RAB5B: variants seen among roughly 807,000 people sequenced by gnomAD.
The protein encoded by RAB5B is ras-related protein Rab-5B.
RAB5B carries 11 observed loss-of-function variants against 28.6 expected under a neutral mutation model. The observed-to-expected ratio is 0.38, with a 90% CI of 0.24 to 0.64. The LOEUF is 0.64. Ranked by LOEUF, RAB5B falls within the 30% of genes least tolerant of loss-of-function variation. The probability of loss-of-function intolerance (pLI) is 0.53; values close to 1 mark genes in which losing one functional copy is unlikely to be tolerated. For missense variants in RAB5B, 169 were observed against 265.6 expected (o/e 0.64, Z 2.53); for synonymous variants, 93 against 97.9 (o/e 0.95, Z 0.29).
rs201304194 is a variant in RAB5B, at chr12:55,990,705, A to G, written c.339A>G (p.Thr113=). The stretch of plus-strand genomic sequence containing the variant: ...AGGAAACCTTTGCCCGAGCAAAGAC[A>G]TGGGTGAAGGAACTACAGCGACAGG... ...TNQETFARAK[T]WVKELQRQAS... Residue 113 remains threonine (T), a synonymous_variant, in exon 4 of 6, where the codon ACA becomes ACG. Transcript: ENST00000360299. 7.4e-6 allele frequency: 12 copies of G among 1,613,914 alleles called. No individual in the cohort carries two copies. In the East Asian group the frequency reaches 2.2e-4, roughly 30 times the overall value.
chr12:55,987,104 C>T lies in RAB5B; in HGVS notation c.144C>T (p.Tyr48=), dbSNP rs1889973659. ...TTGTCAAAGGGCAGTTCCATGAGTA[C>T]CAGGAGAGCACCATTGGAGGTGAGT... is the stretch of plus-strand genomic sequence containing the variant. ...LRFVKGQFHE[Y]QESTIGAAFL... Residue 48 remains tyrosine (Y), a synonymous_variant, in exon 2 of 6, where the codon TAC becomes TAT. Coordinates refer to ENST00000360299, the MANE Select transcript of RAB5B (RefSeq NM_002868.4). The T allele has an allele frequency of 2.5e-6, 4 of 1,613,586 alleles. No individual in the cohort carries two copies. In the East Asian group the frequency reaches 8.9e-5, roughly 36 times the overall value.
intron 1 of RAB5B, among the ~76,000 whole-genome samples, chr12:55,984,761 C>T (rs180897786): frequency 6.6e-6 from 1 of 152,338 alleles, no homozygotes; most frequent in African/African-American, 2.4e-5. Context: ...TAGGTATGAG[C>T]TACTGCACCC....
At position 55,990,664 on chromosome 12, in the gene RAB5B, C is replaced by T; in HGVS notation, c.316-18C>T. The stretch of plus-strand genomic sequence containing the variant: ...TGGCAGTCATTCCAGCCTACTCATT[C>T]TCTTCATGTTTTCCTAGGAAACCTT... On this transcript the variant is annotated intron_variant, in intron 3 of 5. Coordinates refer to ENST00000360299, the MANE Select transcript of RAB5B (RefSeq NM_002868.4). The T allele has an allele frequency of 6.2e-7, 1 of 1,612,722 alleles. No homozygotes were observed. The highest frequency in any genetic ancestry group is 8.5e-7 in the Non-Finnish European group (1 of 1,179,228).
At chr12:55,986,442 C>CA (rs200694101) in intron 1 of RAB5B, among the ~76,000 whole-genome samples, 13 of 149,518 alleles carry the variant, frequency 8.7e-5, no homozygotes, top group African/African-American at 1.7e-4. Flanking sequence ...AGTGACGTCT[C>CA]AAAAAAAAAG....
In RAB5B at chr12:55,991,123, C is replaced by A. The variant is rs1019164059; in HGVS notation, c.439-237C>A. ...TCACAACCCAAAAGCCCCCAACTAA[C>A]TTACCCTCTCCCCTATAATTAAGCT... On this transcript the variant is annotated intron_variant, in intron 4 of 5. Coordinates refer to ENST00000360299, the MANE Select transcript of RAB5B (RefSeq NM_002868.4). 2.4e-5 allele frequency: 13 copies of A among 546,600 alleles called. No individual in the cohort carries two copies. In the East Asian group the frequency reaches 4.0e-4, roughly 17 times the overall value. The allele number at this position is 546,600 out of a possible 1,614,324, so 33.9% of individuals were successfully genotyped here. A position where few individuals can be genotyped will look rare whatever the true frequency, so the allele number is the denominator to read the frequency against.
chr12:55,988,284 A>G (rs1890011632), intron 2 of RAB5B, among the ~76,000 whole-genome samples: 1 of 152,206 alleles, frequency 6.6e-6, no homozygotes, highest in Non-Finnish European at 1.5e-5. Flanking sequence ...GTGAGCCAAA[A>G]TCACGCCAGT....
intron 1 of RAB5B, among the ~76,000 whole-genome samples, chr12:55,984,591 C>G (rs1236234698): frequency 6.6e-6 from 1 of 152,146 alleles, no homozygotes; most frequent in African/African-American, 2.4e-5. Flanking sequence ...ATTCTCCTGC[C>G]TCAGCCTCTG....
In RAB5B at chr12:55,976,981, G is replaced by A. The variant is rs150335834; in HGVS notation, c.-93+2842G>A. On this transcript the variant is annotated intron_variant, in intron 1 of 5. Transcript: ENST00000360299. ...TAGAGACAGTTGTGTAGGAGTATGT[G>A]TGTGTGTTTTTAGACGGAGTTTCAC... Among the ~76,000 whole-genome samples, 78 of 152,226 alleles carry A rather than the reference G, an allele frequency of 5.1e-4. 2 individuals carry two copies. The East Asian group carries it at 8.7e-3, about 17-fold the overall frequency.
intron 1 of RAB5B, among the ~76,000 whole-genome samples, chr12:55,978,853 A>G (rs947170775): frequency 6.6e-6 from 1 of 150,998 alleles, no homozygotes; most frequent in Non-Finnish European, 1.5e-5. Flanking sequence ...GCTCACTGCA[A>G]CCTCCGCCTC....
At chr12:55,984,270 A>T (rs1018198573) in intron 1 of RAB5B, among the ~76,000 whole-genome samples, 2 of 149,414 alleles carry the variant, frequency 1.3e-5, no homozygotes, top group Non-Finnish European at 3.0e-5. Flanking sequence ...GCTCACTGCA[A>T]CCTCCACCTC....
intron 1 of RAB5B, among the ~76,000 whole-genome samples, chr12:55,977,733 C>T (rs1468781375): frequency 6.6e-6 from 1 of 152,200 alleles, no homozygotes; most frequent in African/African-American, 2.4e-5. Context: ...ACTCCCACTT[C>T]CGTTTTGGGA....
intron 4 of RAB5B, 123 bp from the exon 5 acceptor site, chr12:55,991,237 A>G (rs561895249): frequency 4.4e-5 from 30 of 681,404 alleles, no homozygotes; most frequent in Admixed American, 1.4e-4. Flanking sequence ...GCTGGCTCAA[A>G]GGGGTATTAA....
At chr12:55,980,884 C>T in intron 1 of RAB5B, 8 of 1,612,478 alleles carry the variant, frequency 5.0e-6, no homozygotes, top group Non-Finnish European at 6.8e-6. Context: ...CCTCTATATC[C>T]ACAGTGCGGA....
At chr12:55,978,856 TC>T (rs1313536669) in intron 1 of RAB5B, among the ~76,000 whole-genome samples, 1 of 149,058 alleles carries the variant, frequency 6.7e-6, no homozygotes, top group Non-Finnish European at 1.5e-5. Flanking sequence ...CACTGCAACC[TC>T]CGCCTCCCGG....
intron 1 of RAB5B, among the ~76,000 whole-genome samples, chr12:55,985,895 A>G (rs1299044050): frequency 5.3e-5 from 8 of 152,360 alleles, no homozygotes; most frequent in African/African-American, 1.4e-4. Context: ...ACAAAGTGAA[A>G]AAAGAGTTGT....
Position 55,996,512 on chromosome 12 carries a change from C to T in RAB5B, c.*4300C>T, listed in dbSNP as rs1357647185. The T allele has an allele frequency of 2.0e-5, 3 of 152,224 alleles. No individual in the cohort carries two copies. The highest frequency in any genetic ancestry group is 2.9e-5 in the Non-Finnish European group (2 of 68,088). 9.4% of individuals were successfully genotyped at this position (152,224 alleles called of 1,614,324 possible). A position where few individuals can be genotyped will look rare whatever the true frequency, so the allele number is the denominator to read the frequency against. ...GTTTTTTAAGAGATGGGGTCTTGCT[C>T]TGTTGTCCAGGCTGGAGTGCAGTGC... On this transcript the variant is annotated 3_prime_UTR_variant, in exon 6 of 6. Coordinates refer to ENST00000360299, the MANE Select transcript of RAB5B (RefSeq NM_002868.4).
At chr12:55,992,013 C>A in intron 5 of RAB5B, 84 bp from the exon 6 acceptor site, 1 of 951,850 alleles carries the variant, frequency 1.1e-6, no homozygotes. Context: ...TTCCCCAATT[C>A]AGTAGCCGTT....
At position 55,996,003 on chromosome 12, in the gene RAB5B, A is replaced by ATTTTTTTTTTTTTTTTTTTTTTTT. The variant is rs56291639; in HGVS notation, c.*3801_*3802insTTTTTTTTTTTTTTTTTTTTTTTT. On this transcript the variant is annotated 3_prime_UTR_variant, in exon 6 of 6. Coordinates refer to ENST00000360299, the MANE Select transcript of RAB5B (RefSeq NM_002868.4). ...TATATACATATATATATATATATAT[A>ATTTTTTTTTTTTTTTTTTTTTTTT]TTTTTTTTTTAACAACTGGTAGGAT... is the stretch of plus-strand genomic sequence containing the variant. The ATTTTTTTTTTTTTTTTTTTTTTTT allele has an allele frequency of 8.2e-5, 8 of 97,396 alleles. No individual in the cohort carries two copies. The highest frequency in any genetic ancestry group is 3.3e-4 in the African/African-American group (7 of 21,138). The allele number at this position is 97,396 out of a possible 1,614,324, so 6.0% of individuals were successfully genotyped here.
intron 1 of RAB5B, among the ~76,000 whole-genome samples, chr12:55,977,539 C>T (rs1056567025): frequency 2.6e-5 from 4 of 152,108 alleles, no homozygotes; most frequent in Non-Finnish European, 4.4e-5. Context: ...GCAAATATTG[C>T]TTATTGGTAT....
Sources: gnomAD v4.1 joint callset for allele counts (sites outside exome capture counted in the v4.1 genomes callset) on GRCh38, gnomAD v4.1.1 for gene constraint, MANE v1.5 for transcripts, NCBI Gene and HGNC (gene_info 2026-07-23, HGNC 2026-07-21) for gene names.